Variants in MSRA observed in about 807,000 individuals in gnomAD.
MSRA encodes mitochondrial peptide methionine sulfoxide reductase.
MSRA carries 54 observed loss-of-function variants against 31.3 expected under a neutral mutation model. The observed-to-expected ratio is 1.73, with a 90% CI of 1.39 to 2.17. MSRA has a LOEUF of 2.17. Ranked by LOEUF, MSRA falls within the 30% of genes most tolerant of loss-of-function variation. The pLI, the probability that MSRA is intolerant of heterozygous loss-of-function variation, is 0.00. For synonymous variants in MSRA, 169 were observed against 116.5 expected (o/e 1.45, Z -2.90); for missense variants, 507 against 300.9 (o/e 1.69, Z -5.07).
chr8:10,208,493 C>G lies in MSRA; in HGVS notation c.211+592C>G, dbSNP rs571752473. On this transcript the variant is annotated intron_variant, in intron 2 of 5. Coordinates refer to ENST00000317173, the MANE Select transcript of MSRA (RefSeq NM_012331.5). ...GGTCCTTTTTAATCTGTGTTTCCTT[C>G]CCTCCATGCCTCATGTCATCTAAAC... 2.0e-5 allele frequency among the ~76,000 whole-genome samples: 3 copies of G among 152,242 alleles called. No homozygotes were observed. The East Asian group carries it at 5.8e-4, about 29-fold the overall frequency.
At chr8:10,192,712 T>C (rs373360828) in intron 1 of MSRA, among the ~76,000 whole-genome samples, 1 of 152,222 alleles carries the variant, frequency 6.6e-6, no homozygotes, top group Non-Finnish European at 1.5e-5. Context: ...GGGTATGTTC[T>C]TGATGTTATA....
chr8:10,233,445 T>A (rs1811666996), intron 2 of MSRA, among the ~76,000 whole-genome samples: 1 of 152,212 alleles, frequency 6.6e-6, no homozygotes, highest in Non-Finnish European at 1.5e-5. Flanking sequence ...AAATGTGTGT[T>A]TAGGATGTTC....
At chr8:10,324,773 C>G (rs563048531) in intron 5 of MSRA, among the ~76,000 whole-genome samples, 3 of 152,220 alleles carry the variant, frequency 2.0e-5, no homozygotes, top group Admixed American at 6.5e-5. Flanking sequence ...GAAGGAAGAC[C>G]CCATACAAGT....
intron 3 of MSRA, among the ~76,000 whole-genome samples, chr8:10,249,405 C>T (rs546509155): frequency 6.6e-6 from 1 of 152,298 alleles, no homozygotes; most frequent in South Asian, 2.1e-4. Context: ...CCATGATCTT[C>T]CAAGGCTTCA....
intron 5 of MSRA, among the ~76,000 whole-genome samples, chr8:10,371,758 G>A (rs1172507790): frequency 2.0e-5 from 3 of 152,200 alleles, no homozygotes; most frequent in South Asian, 2.1e-4. Context: ...GCATAACCAC[G>A]TCTGCCTTCT....
intron 1 of MSRA, among the ~76,000 whole-genome samples, chr8:10,126,064 G>A (rs1464528808): frequency 6.6e-6 from 1 of 152,196 alleles, no homozygotes; most frequent in South Asian, 2.1e-4. Flanking sequence ...AGGGAAAACC[G>A]TGGAAATCAT....
intron 1 of MSRA, among the ~76,000 whole-genome samples, chr8:10,083,332 G>T (rs999709459): frequency 1.3e-5 from 2 of 152,128 alleles, no homozygotes; most frequent in African/African-American, 2.4e-5. Flanking sequence ...TTCCATGGAG[G>T]TATTAGGTTA....
chr8:10,166,687 C>G (rs1805155721), intron 1 of MSRA, among the ~76,000 whole-genome samples: 1 of 152,200 alleles, frequency 6.6e-6, no homozygotes. Flanking sequence ...ATTACCCAAG[C>G]TCACTCATTC....
intron 5 of MSRA, among the ~76,000 whole-genome samples, chr8:10,376,004 C>T (rs1332636446): frequency 1.3e-5 from 2 of 152,178 alleles, no homozygotes; most frequent in African/African-American, 4.8e-5. Context: ...CTCTGTTCCC[C>T]TCCCCGGTCA....
chr8:10,212,706 T>C (rs1809612101), intron 2 of MSRA, among the ~76,000 whole-genome samples: 1 of 152,192 alleles, frequency 6.6e-6, no homozygotes, highest in Non-Finnish European at 1.5e-5. Context: ...GGGTAATGAA[T>C]TCTCCATTAC....
chr8:10,090,196 G>A (rs1408159096), intron 1 of MSRA, among the ~76,000 whole-genome samples: 1 of 152,200 alleles, frequency 6.6e-6, no homozygotes, highest in East Asian at 1.9e-4. Context: ...GCCTGGCAGT[G>A]TGAGTTGGAA....
At chr8:10,280,123 C>A (rs536100482) in intron 3 of MSRA, among the ~76,000 whole-genome samples, 1 of 152,026 alleles carries the variant, frequency 6.6e-6, no homozygotes, top group South Asian at 2.1e-4. Context: ...TTTTTCTTAT[C>A]TTTTTAGGCT....
chr8:10,375,212 C>T (rs1040751100), intron 5 of MSRA, among the ~76,000 whole-genome samples: 3 of 152,176 alleles, frequency 2.0e-5, no homozygotes, highest in African/African-American at 7.2e-5. Context: ...ATCTTTTTTG[C>T]ATCTTCCATC....
rs572132791 is a variant in MSRA at position 10,193,132 on chromosome 8, A to G, written c.143-14701A>G. ...CGAAATCAGATTTACTGCAAGGCCTATGCTGAAGTCTTCTTATAGCTGAGG... is the reference window on the plus strand; with the variant it reads ...CGAAATCAGATTTACTGCAAGGCCTGTGCTGAAGTCTTCTTATAGCTGAGG... On this transcript the variant is annotated intron_variant, in intron 1 of 5. Coordinates refer to ENST00000317173, the MANE Select transcript of MSRA (RefSeq NM_012331.5). Among the ~76,000 whole-genome samples, 7 of 152,354 alleles carry G rather than the reference A, an allele frequency of 4.6e-5. No individual in the cohort carries two copies. In the South Asian group the frequency reaches 1.2e-3, roughly 27 times the overall value.
chr8:10,343,020 TACACAC>T lies in MSRA; in HGVS notation c.543+23059_543+23064del, dbSNP rs572591443. Among the ~76,000 whole-genome samples the T allele has an allele frequency of 4.2e-3, 560 of 132,652 alleles. 1 individual carries two copies. Among genetic ancestry groups the T allele is most frequent in the Middle Eastern group, 7.8e-3 (2 of 256 alleles). 87.0% of individuals were successfully genotyped at this position (132,652 alleles called of 152,430 possible). On this transcript the variant is annotated intron_variant, in intron 5 of 5. Coordinates refer to ENST00000317173, the MANE Select transcript of MSRA (RefSeq NM_012331.5). ...AGGAACTGGCATCTTGCATAAGCAT[TACACAC>T]ACACACACACACACACACACACACA...
chr8:10,375,766 T>A (rs1805723072), intron 5 of MSRA, among the ~76,000 whole-genome samples: 1 of 152,184 alleles, frequency 6.6e-6, no homozygotes. Flanking sequence ...TGAAACCAAG[T>A]GGTCGAGACT....
In MSRA at chr8:10,065,659, G is replaced by A. The variant is rs754433300; in HGVS notation, c.142+11001G>A. ...ACTATTTTTGTTCATTAACAACCTG[G>A]CAGTTATTTTTTCAGAATAAGGAGA... On this transcript the variant is annotated intron_variant, in intron 1 of 5. Transcript: ENST00000317173. Among the ~76,000 whole-genome samples the A allele has an allele frequency of 2.0e-5, 3 of 152,166 alleles. 1 individual carries two copies. The South Asian group carries it at 6.2e-4, about 31-fold the overall frequency.
intron 1 of MSRA, among the ~76,000 whole-genome samples, chr8:10,168,043 T>G (rs112676080): frequency 0.019 from 2,834 of 152,218 alleles, 92 homozygotes; most frequent in African/African-American, 0.064. Context: ...AACCCAACAG[T>G]TTGGGTTGCA....
At chr8:10,144,141 G>C (rs908267089) in intron 1 of MSRA, among the ~76,000 whole-genome samples, 2 of 152,168 alleles carry the variant, frequency 1.3e-5, no homozygotes, top group Admixed American at 1.3e-4. Flanking sequence ...CTTTAGGAAA[G>C]TCAGGTTAAA....
Sources: gnomAD v4.1 joint callset for allele counts (sites outside exome capture counted in the v4.1 genomes callset) on GRCh38, gnomAD v4.1.1 for gene constraint, MANE v1.5 for transcripts, NCBI Gene and HGNC (gene_info 2026-07-23, HGNC 2026-07-21) for gene names.